The following RBM27 variants were observed in gnomAD, a reference collection of about 807,000 sequenced individuals.
RBM27 encodes the protein RNA-binding protein 27.
A neutral mutation model predicts 135.3 loss-of-function variants in RBM27; 22 were observed. The observed-to-expected ratio is 0.16, with a 90% CI of 0.12 to 0.23. RBM27 has a LOEUF of 0.23. RBM27 is among the 10% of genes least tolerant of loss of function. The pLI is 1.00. For missense variants in RBM27, 1,009 were observed against 1,281.0 expected, an observed-to-expected ratio of 0.79 and a Z score of 3.24; for synonymous variants, 481 against 442.4, an observed-to-expected ratio of 1.09 and a Z score of -1.10.
chr5:146,242,272 A>G (rs1351198717), intron 8 of RBM27, among the ~76,000 whole-genome samples: 1 of 152,146 alleles, frequency 6.6e-6, no homozygotes, highest in Non-Finnish European at 1.5e-5. Context: ...ATAGCACTAC[A>G]TATCCCCCCC....
chr5:146,271,357 G>T, intron 18 of RBM27, 126 bp from the exon 19 acceptor site: 1 of 855,388 alleles, frequency 1.2e-6, no homozygotes, highest in Non-Finnish European at 1.8e-6. Context: ...CCGAGATCGT[G>T]CCATTGCACT....
intron 3 of RBM27, among the ~76,000 whole-genome samples, chr5:146,228,095 A>G (rs571711276): frequency 3.3e-5 from 5 of 152,236 alleles, no homozygotes; most frequent in African/African-American, 1.2e-4. Flanking sequence ...CCCTACTTTA[A>G]CATTAAAAAA....
intron 19 of RBM27, among the ~76,000 whole-genome samples, chr5:146,274,735 A>G (rs1194876488): frequency 6.6e-6 from 1 of 152,180 alleles, no homozygotes; most frequent in Non-Finnish European, 1.5e-5. Flanking sequence ...ATTAAAGCAT[A>G]TACAAATTTA....
intron 19 of RBM27, among the ~76,000 whole-genome samples, chr5:146,281,094 C>T (rs1282912765): frequency 2.0e-5 from 3 of 152,126 alleles, no homozygotes; most frequent in South Asian, 2.1e-4. Flanking sequence ...CTCCTGACAT[C>T]GGCCTCCTAA....
At chr5:146,214,645 C>T (rs1309948988) in intron 1 of RBM27, among the ~76,000 whole-genome samples, 2 of 152,096 alleles carry the variant, frequency 1.3e-5, no homozygotes, top group Admixed American at 1.3e-4. Context: ...AATTACAGCA[C>T]AAAACTTCCC....
intron 8 of RBM27, among the ~76,000 whole-genome samples, chr5:146,251,482 A>G (rs1335195896): frequency 1.3e-5 from 2 of 152,210 alleles, no homozygotes; most frequent in Non-Finnish European, 2.9e-5. Context: ...GATGGAGATT[A>G]TATATACTAC....
At chr5:146,210,987 G>C (rs1279654648) in intron 1 of RBM27, among the ~76,000 whole-genome samples, 1 of 149,748 alleles carries the variant, frequency 6.7e-6, no homozygotes, top group Non-Finnish European at 1.5e-5. Flanking sequence ...AAATTGCCTA[G>C]TTGGCTGGGC....
chr5:146,281,444 T>C (rs1759347369), intron 19 of RBM27, among the ~76,000 whole-genome samples: 2 of 152,128 alleles, frequency 1.3e-5, no homozygotes. Flanking sequence ...TGTGACCCTC[T>C]AAAACAGGAG....
intron 15 of RBM27, 66 bp from the exon 16 acceptor site, chr5:146,269,141 G>GA (rs1166616542): frequency 4.2e-6 from 5 of 1,193,252 alleles, no homozygotes; most frequent in East Asian, 2.4e-5. Context: ...GGATGACCCA[G>GA]AAAAAATGAG....
chr5:146,260,288 G>A (rs540860972), intron 11 of RBM27, among the ~76,000 whole-genome samples: 146 of 150,370 alleles, frequency 9.7e-4, no homozygotes, highest in African/African-American at 3.4e-3. Context: ...GAATGAGTGA[G>A]ACTCCGTCTA....
intron 8 of RBM27, among the ~76,000 whole-genome samples, chr5:146,240,814 C>T (rs141333837): frequency 8.5e-5 from 13 of 152,098 alleles, no homozygotes; most frequent in Non-Finnish European, 1.6e-4. Context: ...CTTAGTATCT[C>T]GCTGTATTCT....
chr5:146,205,395 G>A (rs562161055), intron 1 of RBM27, among the ~76,000 whole-genome samples: 1 of 152,332 alleles, frequency 6.6e-6, no homozygotes, highest in East Asian at 1.9e-4. Flanking sequence ...GATTCATTAG[G>A]TCAGATTGCA....
intron 20 of RBM27, 110 bp downstream of exon 20, chr5:146,284,842 A>G: frequency 4.6e-6 from 3 of 646,552 alleles, no homozygotes; most frequent in Non-Finnish European, 5.2e-6. Flanking sequence ...TCTTTCATGC[A>G]TGCAAATTAA....
At chr5:146,209,301 C>G (rs948656141) in intron 1 of RBM27, among the ~76,000 whole-genome samples, 3 of 152,160 alleles carry the variant, frequency 2.0e-5, no homozygotes, top group East Asian at 3.9e-4. Context: ...CAGTCTATTA[C>G]AAGACAGACT....
rs182447755 is a variant in RBM27, at chr5:146,230,967, C to T, written c.850+50C>T. 8.9e-6 allele frequency: 14 copies of T among 1,569,670 alleles called. No homozygotes were observed. The Admixed American group carries it at 1.2e-4, about 13-fold the overall frequency. ...ATTGTGCCCAAAAGTACTAGCAGAGCAAATGTTGCATATATTGCATATCTT... is the reference window on the plus strand; with the variant it reads ...ATTGTGCCCAAAAGTACTAGCAGAGTAAATGTTGCATATATTGCATATCTT... On this transcript the variant is annotated intron_variant, in intron 6 of 20. Transcript: ENST00000265271.
At chr5:146,205,354 A>T (rs1052495889) in intron 1 of RBM27, among the ~76,000 whole-genome samples, 2 of 152,134 alleles carry the variant, frequency 1.3e-5, no homozygotes, top group South Asian at 4.1e-4. Flanking sequence ...TGCTTGAAAG[A>T]AAGGGGTAGA....
chr5:146,261,302 G>C, intron 12 of RBM27: 1 of 598,232 alleles, frequency 1.7e-6, no homozygotes, highest in Non-Finnish European at 2.9e-6. Context: ...TTCTTTTAAG[G>C]CCACCGATAC....
At chr5:146,225,597 G>A (rs1432697483) in intron 3 of RBM27, among the ~76,000 whole-genome samples, 1 of 143,084 alleles carries the variant, frequency 7.0e-6, no homozygotes, top group South Asian at 2.2e-4. Context: ...GACGGAGTCC[G>A]CTCCATCGCC....
chr5:146,225,605 G>A (rs754270913), intron 3 of RBM27, among the ~76,000 whole-genome samples: 3 of 142,578 alleles, frequency 2.1e-5, no homozygotes, highest in African/African-American at 5.3e-5. Flanking sequence ...CCGCTCCATC[G>A]CCCAGGTTGG....
Sources: gnomAD v4.1 joint callset for allele counts (sites outside exome capture counted in the v4.1 genomes callset) on GRCh38, gnomAD v4.1.1 for gene constraint, MANE v1.5 for transcripts, NCBI Gene and HGNC (gene_info 2026-07-23, HGNC 2026-07-21) for gene names.